RIT2: variants seen among roughly 807,000 people sequenced by gnomAD.
RIT2 encodes the protein Ras like without CAAX 2.
In RIT2, 24 loss-of-function variants were observed where a neutral mutation model predicts 23.7. The ratio of observed to expected loss-of-function variants is 1.01; its 90% CI spans 0.73 to 1.43. RIT2 has a LOEUF of 1.43. Among genes scored for constraint, RIT2 ranks in the 40% most tolerant of loss-of-function variants. The probability of loss-of-function intolerance (pLI) is 0.00; values close to 1 mark genes in which losing one functional copy is unlikely to be tolerated. For synonymous variants in RIT2, 107 were observed against 91.1 expected (o/e 1.17, Z -0.99); for missense variants, 236 against 266.9 (o/e 0.88, Z 0.81).
chr18:42,826,576 A>G (rs557727874), intron 4 of RIT2, among the ~76,000 whole-genome samples: 73 of 152,256 alleles, frequency 4.8e-4, no homozygotes, highest in Non-Finnish European at 7.5e-4. Flanking sequence ...TTTCCATGAA[A>G]GCAAGAATGT....
At chr18:42,941,884 G>A (rs1909609860) in intron 3 of RIT2, among the ~76,000 whole-genome samples, 1 of 152,000 alleles carries the variant, frequency 6.6e-6, no homozygotes, top group South Asian at 2.1e-4. Flanking sequence ...ACAAACTAAG[G>A]AACAGAGAAG....
intron 4 of RIT2, among the ~76,000 whole-genome samples, chr18:42,779,982 T>C (rs1402866848): frequency 1.3e-5 from 2 of 150,674 alleles, no homozygotes; most frequent in African/African-American, 4.9e-5. Flanking sequence ...GATATGATAG[T>C]TATAAATTTC....
At chr18:42,822,430 T>C (rs1164142237) in intron 4 of RIT2, among the ~76,000 whole-genome samples, 1 of 152,158 alleles carries the variant, frequency 6.6e-6, no homozygotes, top group Non-Finnish European at 1.5e-5. Context: ...CGACGGTTGA[T>C]CATGGCAGTT....
At chr18:42,809,080 G>A (rs1905766981) in intron 4 of RIT2, among the ~76,000 whole-genome samples, 1 of 152,106 alleles carries the variant, frequency 6.6e-6, no homozygotes, top group Non-Finnish European at 1.5e-5. Context: ...AAAACAAAAT[G>A]TAAAGGTCAT....
intron 4 of RIT2, among the ~76,000 whole-genome samples, chr18:42,783,806 A>G (rs1200790549): frequency 6.6e-6 from 1 of 151,722 alleles, no homozygotes; most frequent in Non-Finnish European, 1.5e-5. Flanking sequence ...ATTTATTTGT[A>G]AACATTTGGT....
chr18:43,098,740 A>G (rs1013250629), intron 1 of RIT2, among the ~76,000 whole-genome samples: 2 of 152,024 alleles, frequency 1.3e-5, no homozygotes, highest in South Asian at 2.1e-4. Context: ...CCACTGTACT[A>G]TCAACCCCAT....
chr18:43,041,611 T>G (rs201911150), intron 1 of RIT2, among the ~76,000 whole-genome samples: 4 of 152,160 alleles, frequency 2.6e-5, no homozygotes, highest in Non-Finnish European at 5.9e-5. Flanking sequence ...ACAATGGCAG[T>G]GGTGACAGAT....
At chr18:42,835,415 T>G (rs1463533803) in intron 4 of RIT2, among the ~76,000 whole-genome samples, 1 of 152,180 alleles carries the variant, frequency 6.6e-6, no homozygotes, top group Non-Finnish European at 1.5e-5. Context: ...ACCTATGTTC[T>G]ATATTGGCCT....
chr18:42,774,221 A>T (rs911751983), intron 4 of RIT2, among the ~76,000 whole-genome samples: 1 of 152,186 alleles, frequency 6.6e-6, no homozygotes, highest in African/African-American at 2.4e-5. Context: ...TAATGACTAC[A>T]TATTTAAACG....
chr18:42,749,903 T>C (rs1001805152), intron 4 of RIT2, among the ~76,000 whole-genome samples: 1 of 151,438 alleles, frequency 6.6e-6, no homozygotes, highest in Non-Finnish European at 1.5e-5. Flanking sequence ...ATGCAAATTG[T>C]TTACAGTAAC....
At chr18:43,030,098 C>T (rs1320238876) in intron 2 of RIT2, among the ~76,000 whole-genome samples, 1 of 151,948 alleles carries the variant, frequency 6.6e-6, no homozygotes, top group East Asian at 1.9e-4. Context: ...CTAGTAATAA[C>T]ATATTGGGCA....
chr18:42,950,899 C>CA (rs546311282), intron 3 of RIT2, among the ~76,000 whole-genome samples: 19,110 of 129,706 alleles, frequency 0.15, 1,331 homozygotes, highest in African/African-American at 0.21. Flanking sequence ...ATTAAAACAT[C>CA]AAAAAAAAAA....
intron 2 of RIT2, among the ~76,000 whole-genome samples, chr18:42,990,946 G>A (rs562436126): frequency 9.1e-5 from 12 of 131,836 alleles, no homozygotes; most frequent in African/African-American, 3.4e-4. Flanking sequence ...ACTAACCAAA[G>A]GAGTACAGAG....
chr18:43,039,746 G>A (rs1307273993), intron 1 of RIT2, among the ~76,000 whole-genome samples: 3 of 152,248 alleles, frequency 2.0e-5, no homozygotes, highest in East Asian at 1.9e-4. Flanking sequence ...TCTGCGGAAG[G>A]ATGTATGGAG....
chr18:42,756,141 T>C (rs1356610228), intron 4 of RIT2, among the ~76,000 whole-genome samples: 1 of 152,034 alleles, frequency 6.6e-6, no homozygotes, highest in Non-Finnish European at 1.5e-5. Flanking sequence ...AATTAGTGAG[T>C]TTAGATGTCT....
rs537367462 is a variant in RIT2 at position 43,048,616 on chromosome 18, C to A, written c.104-14749G>T. Among the ~76,000 whole-genome samples, 12 of 152,248 alleles carry A rather than the reference C, an allele frequency of 7.9e-5. No individual in the cohort carries two copies. In the South Asian group the frequency reaches 2.5e-3, roughly 32 times the overall value. Reference sequence around the variant, plus strand: ...TAAAGAACTTAAACTAGTGACCAGACAATCGTAAGTTCTTGATAAACATTT... The same window carrying A: ...TAAAGAACTTAAACTAGTGACCAGAAAATCGTAAGTTCTTGATAAACATTT... On this transcript the variant is annotated intron_variant, in intron 1 of 4. Transcript: ENST00000326695.
intron 4 of RIT2, among the ~76,000 whole-genome samples, chr18:42,778,224 A>C (rs1299138720): frequency 6.6e-6 from 1 of 152,194 alleles, no homozygotes; most frequent in Non-Finnish European, 1.5e-5. Flanking sequence ...AACAGGAATT[A>C]CATGCTCATT....
intron 1 of RIT2, among the ~76,000 whole-genome samples, chr18:43,057,911 T>A (rs1235077409): frequency 6.6e-6 from 1 of 151,992 alleles, no homozygotes; most frequent in African/African-American, 2.4e-5. Flanking sequence ...TTGGTGTGTC[T>A]TGCCTGGGCA....
Position 43,023,225 on chromosome 18 carries a change from A to G in RIT2, c.160+10586T>C, listed in dbSNP as rs143168528. On this transcript the variant is annotated intron_variant, in intron 2 of 4. Transcript: ENST00000326695. ...GTAGATTGGATCAGAATTTCCAATT[A>G]TGATTTCTCCTCTTTTATGTAGTTT... 6.7e-3 allele frequency among the ~76,000 whole-genome samples: 1,013 copies of G among 152,204 alleles called. 7 individuals carry two copies. The highest frequency in any genetic ancestry group is 0.012 in the Non-Finnish European group (782 of 67,968).
Sources: gnomAD v4.1 joint callset for allele counts (sites outside exome capture counted in the v4.1 genomes callset) on GRCh38, gnomAD v4.1.1 for gene constraint, MANE v1.5 for transcripts, NCBI Gene and HGNC (gene_info 2026-07-23, HGNC 2026-07-21) for gene names.